CHI3L1: variants seen among roughly 807,000 people sequenced by gnomAD.
The protein encoded by CHI3L1 is chitinase-3-like protein 1.
In CHI3L1, 30 loss-of-function variants were observed where a neutral mutation model predicts 40.7. That is an observed-to-expected ratio of 0.74 (90% CI 0.55 to 1.00). The LOEUF (loss-of-function observed/expected upper bound fraction) is 1.00, where lower values mean the gene tolerates loss of function less well. Among genes scored for constraint, CHI3L1 ranks in the 50% least tolerant of loss-of-function variants. The pLI, the probability that CHI3L1 is intolerant of heterozygous loss-of-function variation, is 0.00. For missense variants in CHI3L1, 493 were observed against 492.2 expected, an observed-to-expected ratio of 1.00 and a Z score of -0.01; for synonymous variants, 210 against 192.1, an observed-to-expected ratio of 1.09 and a Z score of -0.77.
At chr1:203,185,430 G>C in intron 2 of CHI3L1, 45 bp from the exon 3 acceptor site, 1 of 1,569,274 alleles carries the variant, frequency 6.4e-7, no homozygotes. Flanking sequence ...GATTCGGCAA[G>C]AGACCTCAGG....
intron 2 of CHI3L1, among the ~76,000 whole-genome samples, chr1:203,185,743 A>C (rs1656042429): frequency 6.6e-6 from 1 of 152,120 alleles, no homozygotes; most frequent in Non-Finnish European, 1.5e-5. Flanking sequence ...GTGGGAGGGG[A>C]AGGCCCAAGA....
At chr1:203,179,905 G>A (rs1264816942) in intron 8 of CHI3L1, 28 bp from the exon 9 acceptor site, 3 of 1,608,122 alleles carry the variant, frequency 1.9e-6, no homozygotes, top group East Asian at 4.5e-5. Flanking sequence ...AAAAGGCAGT[G>A]TGGGGAGTCG....
intron 6 of CHI3L1, 142 bp downstream of exon 6, chr1:203,182,589 A>T: frequency 1.1e-6 from 1 of 886,014 alleles, no homozygotes; most frequent in Admixed American, 2.2e-5. Flanking sequence ...GACTTGCTCA[A>T]GGTCACACAT....
At chr1:203,179,707 A>G in intron 9 of CHI3L1, 54 bp downstream of exon 9, 1 of 1,614,042 alleles carries the variant, frequency 6.2e-7, no homozygotes. Flanking sequence ...GGCTGCTGGG[A>G]GCGGGGCCTC....
intron 7 of CHI3L1, 126 bp from the exon 8 acceptor site, chr1:203,180,778 C>T (rs116995606): frequency 0.018 from 12,468 of 694,736 alleles, 180 homozygotes; most frequent in South Asian, 0.04. Flanking sequence ...CCTGTCCCTC[C>T]GGGAACGGAT....
At chr1:203,183,230 T>C (rs1007716738) in intron 5 of CHI3L1, among the ~76,000 whole-genome samples, 2 of 152,194 alleles carry the variant, frequency 1.3e-5, no homozygotes, top group African/African-American at 4.8e-5. Flanking sequence ...CTGCTGGTAT[T>C]GTGAACAATT....
intron 3 of CHI3L1, 121 bp downstream of exon 3, chr1:203,185,063 C>T: frequency 2.6e-6 from 2 of 784,032 alleles, no homozygotes; most frequent in Middle Eastern, 3.7e-4. Context: ...TAAGCCAAGC[C>T]CCTCTAACTC....
At position 203,186,648 on chromosome 1, in the gene CHI3L1, G is replaced by C; in HGVS notation, c.-25C>G. 2 of 1,613,966 alleles carry C rather than the reference G, an allele frequency of 1.2e-6. No individual in the cohort carries two copies. The highest frequency in any genetic ancestry group is 1.7e-6 in the Non-Finnish European group (2 of 1,179,988). On this transcript the variant is annotated 5_prime_UTR_variant, in exon 1 of 10. Transcript: ENST00000255409. ...TTCTGGCTGCAGCAGAGCAGGGCAG[G>C]GTGTGGCCTCTTCCCTTGCCCACGG...
Position 203,179,600 on chromosome 1 carries a change from C to T in CHI3L1, c.1012-15G>A. 6.2e-7 allele frequency: 1 copy of T among 1,612,496 alleles called. No individual in the cohort carries two copies. The highest frequency in any genetic ancestry group is 8.5e-7 in the Non-Finnish European group (1 of 1,178,826). ...AGGTACTGCACCTGGCAGGGGAGGC[C>T]CAGAGGAGCAGGGCTGGGTTCCCTG... On this transcript the variant is annotated splice_polypyrimidine_tract_variant and intron_variant, in intron 9 of 9. Coordinates refer to ENST00000255409, the MANE Select transcript of CHI3L1 (RefSeq NM_001276.4).
chr1:203,182,278 C>A, intron 6 of CHI3L1: 1 of 164,544 alleles, frequency 6.1e-6, no homozygotes, highest in Non-Finnish European at 1.3e-5. Flanking sequence ...GAGGATGAGG[C>A]GTGGGGCCAA....
rs77111685 is a variant in CHI3L1, at chr1:203,179,231, C to T, written c.*214G>A. ...TGTACTAATCCCGAGTCTTACATTG[C>T]GATGCCTCACTATCCCCACAGCCCC... On this transcript the variant is annotated 3_prime_UTR_variant, in exon 10 of 10. Coordinates refer to ENST00000255409, the MANE Select transcript of CHI3L1 (RefSeq NM_001276.4). 21 of 450,314 alleles carry T rather than the reference C, an allele frequency of 4.7e-5. No individual in the cohort carries two copies. In the Admixed American group the frequency reaches 5.2e-4, roughly 11 times the overall value. The allele number at this position is 450,314 out of a possible 1,614,324, so 27.9% of individuals were successfully genotyped here.
intron 4 of CHI3L1, among the ~76,000 whole-genome samples, chr1:203,184,257 C>T (rs902109690): frequency 1.3e-5 from 2 of 152,218 alleles, no homozygotes; most frequent in South Asian, 2.1e-4. Flanking sequence ...CCATTGGTTT[C>T]CATCTCTCTC....
Position 203,185,235 on chromosome 1 carries a change from C to A in CHI3L1, c.206G>T (p.Trp69Leu). The change falls in exon 3 of 10, where the codon TGG becomes TTG. Residue 69 changes from tryptophan (W) to leucine (L), a missense_variant. Physicochemically the swap from Trp to Leu is moderately conservative, Grantham distance 61. Transcript: ENST00000255409. ...GTAGAGCGTCACATCATTCCACTCC[C>A]AGGTGTCGATGTGATCGTTGCTTAT... ...ANISNDHIDT[W>L]EWNDVTLYGM... The A allele has an allele frequency of 6.2e-7, 1 of 1,614,172 alleles. No homozygotes were observed.
chr1:203,181,308 G>A, intron 6 of CHI3L1, 23 bp from the exon 7 acceptor site: 1 of 1,611,968 alleles, frequency 6.2e-7, no homozygotes, highest in Non-Finnish European at 8.5e-7. Context: ...GGGATGGAGG[G>A]TGAGGCAGGA....
Position 203,183,767 on chromosome 1 carries a change from G to C in CHI3L1, c.339C>G (p.Thr113=), listed in dbSNP as rs775890387. The change falls in exon 5 of 10, where the codon ACC becomes ACG. Residue 113 remains threonine (T), a synonymous_variant. Transcript: ENST00000255409. ...SQRFSKIASN[T]QSRRTFIKSV... ...ACTTGATGAAAGTCCGGCGACTCTG[G>C]GTGTTGGAGGCTATCTTGGAAAATC... The C allele has an allele frequency of 6.2e-7, 1 of 1,614,070 alleles. No homozygotes were observed. Among genetic ancestry groups the C allele is most frequent in the Non-Finnish European group, 8.5e-7 (1 of 1,180,028 alleles).
chr1:203,182,587 CA>C lies in CHI3L1; in HGVS notation c.587+143del, dbSNP rs1277080565. ...GCACAGGGCAGGGAAGTGACTTGCTCAAGGTCACACATCAAGGCTTTGGAAG... is the reference window on the plus strand; with the variant it reads ...GCACAGGGCAGGGAAGTGACTTGCTCAGGTCACACATCAAGGCTTTGGAAG... On this transcript the variant is annotated intron_variant, in intron 6 of 9. Transcript: ENST00000255409. The C allele has an allele frequency of 3.4e-6, 3 of 873,200 alleles. No homozygotes were observed. The African/African-American group carries it at 5.0e-5, about 15-fold the overall frequency. The allele number at this position is 873,200 out of a possible 1,614,324, so 54.1% of individuals were successfully genotyped here. A position where few individuals can be genotyped will look rare whatever the true frequency, so the allele number is the denominator to read the frequency against.
At position 203,181,236 on chromosome 1, in the gene CHI3L1, G is replaced by A. The variant is rs147953761; in HGVS notation, c.637C>T (p.Arg213Cys). 7.7e-5 allele frequency: 125 copies of A among 1,613,982 alleles called. 2 individuals are homozygous for A. The African/African-American group carries it at 1.2e-3, about 15-fold the overall frequency. Residue 213 changes from arginine to cysteine, a missense_variant, in exon 7 of 10, where the codon CGT (arginine) becomes TGT (cysteine). Physicochemically the swap from Arg to Cys is radical, Grantham distance 180 (BLOSUM62 -3). Coordinates refer to ENST00000255409, the MANE Select transcript of CHI3L1 (RefSeq NM_001276.4). ...GGACTGTGATGGCCTGTGGTCCCACGCCAGGCTCCATGAAAATCGTAGGTC... is the reference window on the plus strand; with the variant it reads ...GGACTGTGATGGCCTGTGGTCCCACACCAGGCTCCATGAAAATCGTAGGTC... The part of the protein sequence containing the change: ...IMTYDFHGAW[R>C]GTTGHHSPLF...
chr1:203,185,124 T>C, intron 3 of CHI3L1, 60 bp downstream of exon 3: 1 of 1,476,840 alleles, frequency 6.8e-7, no homozygotes, highest in Non-Finnish European at 9.4e-7. Context: ...CTGGGTGGGG[T>C]TGCCCTGCCC....
At position 203,185,127 on chromosome 1, in the gene CHI3L1, C is replaced by T. The variant is rs940997083; in HGVS notation, c.257+57G>A. On this transcript the variant is annotated intron_variant, in intron 3 of 9. Transcript: ENST00000255409. ...TCGCCCTTCCTCCTGGGTGGGGTTG[C>T]CCTGCCCTGGGACCAGCCCAGCTGG... 7 of 1,522,158 alleles carry T rather than the reference C, an allele frequency of 4.6e-6. No homozygotes were observed. The South Asian group carries it at 5.7e-5, about 12-fold the overall frequency. 94.3% of individuals were successfully genotyped at this position (1,522,158 alleles called of 1,614,324 possible). A position where few individuals can be genotyped will look rare whatever the true frequency, so the allele number is the denominator to read the frequency against.
Sources: gnomAD v4.1 joint callset for allele counts (sites outside exome capture counted in the v4.1 genomes callset) on GRCh38, gnomAD v4.1.1 for gene constraint, MANE v1.5 for transcripts, NCBI Gene and HGNC (gene_info 2026-07-23, HGNC 2026-07-21) for gene names.